Variants in NRP1 observed in about 807,000 individuals in gnomAD.
NRP1 encodes the protein neuropilin-1.
NRP1 carries 35 observed loss-of-function variants against 106.7 expected under a neutral mutation model. The observed-to-expected ratio is 0.33, with a 90% CI of 0.25 to 0.43. The LOEUF is 0.43. Ranked by LOEUF, NRP1 falls within the 20% of genes least tolerant of loss-of-function variation. The pLI, the probability that NRP1 is intolerant of heterozygous loss-of-function variation, is 1.00. For missense variants in NRP1, 1,024 were observed against 1,170.4 expected (o/e 0.87, Z 1.83); for synonymous variants, 437 against 417.9 (o/e 1.05, Z -0.56).
rs112402473 is a variant in NRP1, at chr10:33,243,207, C to T, written c.981+10821G>A. Among the ~76,000 whole-genome samples the T allele has an allele frequency of 9.2e-4, 140 of 152,198 alleles. 2 individuals are homozygous for T. The highest frequency in any genetic ancestry group is 3.0e-3 in the African/African-American group (126 of 41,522). ...CAGAGAAGCTTCCCGATGAAGCCAA[C>T]CTGAACGATTATTTGATCTAAGAAA... On this transcript the variant is annotated intron_variant, in intron 6 of 16. Transcript: ENST00000374867.
At chr10:33,310,186 T>A (rs1846485561) in intron 2 of NRP1, among the ~76,000 whole-genome samples, 1 of 150,726 alleles carries the variant, frequency 6.6e-6, no homozygotes, top group African/African-American at 2.4e-5. Flanking sequence ...CCTGACCTCA[T>A]GATCTGCCCG....
At chr10:33,258,849 A>G (rs527969033) in intron 4 of NRP1, among the ~76,000 whole-genome samples, 1 of 152,326 alleles carries the variant, frequency 6.6e-6, no homozygotes, top group African/African-American at 2.4e-5. Flanking sequence ...TTTCCTAAAA[A>G]GGAATCTCAT....
At chr10:33,298,659 C>G (rs956212635) in intron 2 of NRP1, among the ~76,000 whole-genome samples, 1 of 152,204 alleles carries the variant, frequency 6.6e-6, no homozygotes, top group Non-Finnish European at 1.5e-5. Flanking sequence ...GCAGCTGCCT[C>G]TAAGCCCTTG....
At position 33,264,001 on chromosome 10, in the gene NRP1, T is replaced by C. The variant is rs972464957; in HGVS notation, c.431-128A>G. 4.5e-5 allele frequency: 29 copies of C among 644,944 alleles called. 1 individual carries two copies. The highest frequency in any genetic ancestry group is 7.7e-5 in the South Asian group (4 of 51,814). 40.0% of individuals were successfully genotyped at this position (644,944 alleles called of 1,614,324 possible). On this transcript the variant is annotated intron_variant, in intron 3 of 16. Coordinates refer to ENST00000374867, the MANE Select transcript of NRP1 (RefSeq NM_003873.7). Reference sequence around the variant, plus strand: ...GCCAGTATAACCACTGTTCTAATCATGTATTAGTCAGCCTTTTCATATTAG... The same window carrying C: ...GCCAGTATAACCACTGTTCTAATCACGTATTAGTCAGCCTTTTCATATTAG...
intron 9 of NRP1, among the ~76,000 whole-genome samples, chr10:33,210,430 A>C (rs1344904932): frequency 1.3e-5 from 2 of 152,226 alleles, no homozygotes; most frequent in African/African-American, 4.8e-5. Context: ...TCCCAGGCTC[A>C]TCTCTTCATT....
intron 6 of NRP1, among the ~76,000 whole-genome samples, chr10:33,232,621 GCTTT>G (rs1314804708): frequency 5.5e-5 from 8 of 146,278 alleles, no homozygotes; most frequent in Non-Finnish European, 9.0e-5. Flanking sequence ...TCTAGTGGCC[GCTTT>G]CTTTTTCTTT....
At chr10:33,231,061 A>G (rs1376120400) in intron 6 of NRP1, among the ~76,000 whole-genome samples, 1 of 152,194 alleles carries the variant, frequency 6.6e-6, no homozygotes, top group Non-Finnish European at 1.5e-5. Context: ...TTGTAACAGA[A>G]TATAAGCCTT....
At chr10:33,278,120 C>T (rs1162237561) in intron 2 of NRP1, among the ~76,000 whole-genome samples, 1 of 152,134 alleles carries the variant, frequency 6.6e-6, no homozygotes, top group African/African-American at 2.4e-5. Context: ...GTTGTCGACA[C>T]TGTCAGGGTG....
intron 2 of NRP1, among the ~76,000 whole-genome samples, chr10:33,316,462 A>G (rs57180246): frequency 0.016 from 2,426 of 152,320 alleles, 58 homozygotes; most frequent in African/African-American, 0.054. Context: ...CAGGTGGTCA[A>G]CATCCTCCAG....
intron 10 of NRP1, 124 bp downstream of exon 10, chr10:33,207,448 A>G (rs963543021): frequency 2.1e-6 from 2 of 975,430 alleles, no homozygotes; most frequent in African/African-American, 3.2e-5. Context: ...ATGGGCAGGC[A>G]CCGAGATAAG....
intron 2 of NRP1, among the ~76,000 whole-genome samples, chr10:33,321,161 A>G (rs768906728): frequency 2.0e-5 from 3 of 152,062 alleles, no homozygotes; most frequent in Non-Finnish European, 2.9e-5. Flanking sequence ...TAATTTTTGC[A>G]TTTTTAGTAG....
chr10:33,316,571 A>C (rs923372049), intron 2 of NRP1, among the ~76,000 whole-genome samples: 1 of 152,226 alleles, frequency 6.6e-6, no homozygotes, highest in African/African-American at 2.4e-5. Flanking sequence ...ATTCAGAGGA[A>C]AAATTCAGGG....
intron 6 of NRP1, among the ~76,000 whole-genome samples, chr10:33,238,352 G>A (rs1363173297): frequency 2.0e-5 from 3 of 152,188 alleles, no homozygotes; most frequent in African/African-American, 7.2e-5. Flanking sequence ...AACATTTAAG[G>A]AGAAGTTCAT....
chr10:33,275,368 A>G (rs1160990201), intron 2 of NRP1, among the ~76,000 whole-genome samples: 1 of 152,176 alleles, frequency 6.6e-6, no homozygotes, highest in Non-Finnish European at 1.5e-5. Context: ...GGAGATCGAG[A>G]CCATCCTGGC....
chr10:33,190,092 G>A (rs1836304473), intron 13 of NRP1, among the ~76,000 whole-genome samples: 1 of 152,226 alleles, frequency 6.6e-6, no homozygotes, highest in Non-Finnish European at 1.5e-5. Flanking sequence ...CTCCTTCTCT[G>A]ATACTCTAAC....
chr10:33,202,504 C>G, intron 11 of NRP1: 1 of 1,202,498 alleles, frequency 8.3e-7, no homozygotes. Context: ...AACTTGTCCT[C>G]ATTAGAAAAT....
At chr10:33,294,169 T>C (rs1231185041) in intron 2 of NRP1, among the ~76,000 whole-genome samples, 3 of 152,208 alleles carry the variant, frequency 2.0e-5, no homozygotes, top group African/African-American at 4.8e-5. Flanking sequence ...GTGGGGGTCC[T>C]ACATATCTCA....
intron 2 of NRP1, among the ~76,000 whole-genome samples, chr10:33,292,400 C>A (rs897320033): frequency 3.9e-5 from 6 of 152,126 alleles, no homozygotes; most frequent in African/African-American, 1.4e-4. Context: ...ATCTTTCCAG[C>A]ATATTTTTTT....
chr10:33,286,719 C>T (rs1485447113), intron 2 of NRP1, among the ~76,000 whole-genome samples: 2 of 152,084 alleles, frequency 1.3e-5, no homozygotes, highest in Non-Finnish European at 2.9e-5. Flanking sequence ...ACTGGGCATG[C>T]CAGCCAAGAA....
Sources: gnomAD v4.1 joint callset for allele counts (sites outside exome capture counted in the v4.1 genomes callset) on GRCh38, gnomAD v4.1.1 for gene constraint, MANE v1.5 for transcripts, NCBI Gene and HGNC (gene_info 2026-07-23, HGNC 2026-07-21) for gene names.